The following PPP1R12B variants were observed in gnomAD, a reference collection of about 807,000 sequenced individuals.
The protein encoded by PPP1R12B is protein phosphatase 1 regulatory subunit 12B.
A neutral mutation model predicts 126.1 loss-of-function variants in PPP1R12B; 76 were observed. The ratio of observed to expected loss-of-function variants is 0.60; its 90% confidence interval spans 0.50 to 0.73. The LOEUF is 0.73. Among genes scored for constraint, PPP1R12B ranks in the 30% least tolerant of loss-of-function variants. PPP1R12B has a pLI of 0.00. For missense variants in PPP1R12B, 1,052 were observed against 1,205.1 expected, an observed-to-expected ratio of 0.87 and a Z score of 1.88; for synonymous variants, 356 against 434.7, an observed-to-expected ratio of 0.82 and a Z score of 2.25.
intron 1 of PPP1R12B, among the ~76,000 whole-genome samples, chr1:202,364,738 G>A (rs868749300): frequency 1.3e-5 from 2 of 151,982 alleles, no homozygotes; most frequent in Non-Finnish European, 2.9e-5. Context: ...CACCATGCTC[G>A]GCTAAGTTTT....
intron 18 of PPP1R12B, chr1:202,527,553 A>G (rs1683476298): frequency 1.3e-5 from 2 of 152,256 alleles, no homozygotes; most frequent in Non-Finnish European, 1.5e-5. Context: ...CAACTTTATG[A>G]CAATAAGCTT....
intron 13 of PPP1R12B, among the ~76,000 whole-genome samples, chr1:202,487,823 G>T (rs542938652): frequency 6.6e-6 from 1 of 152,050 alleles, no homozygotes; most frequent in African/African-American, 2.4e-5. Flanking sequence ...GGTCAGGTTG[G>T]TCTCCTACTC....
intron 1 of PPP1R12B, among the ~76,000 whole-genome samples, chr1:202,367,098 A>G (rs968557690): frequency 1.3e-5 from 2 of 152,236 alleles, no homozygotes; most frequent in African/African-American, 4.8e-5. Flanking sequence ...TTTTAATACA[A>G]TACAAAATTT....
At chr1:202,356,639 G>A (rs1657155173) in intron 1 of PPP1R12B, among the ~76,000 whole-genome samples, 1 of 152,096 alleles carries the variant, frequency 6.6e-6, no homozygotes, top group Non-Finnish European at 1.5e-5. Flanking sequence ...ATCAGAATAG[G>A]AGATGTGATG....
chr1:202,520,421 G>A lies in PPP1R12B; in HGVS notation c.2490+23599G>A, dbSNP rs1416341770. 2.6e-5 allele frequency among the ~76,000 whole-genome samples: 4 copies of A among 152,204 alleles called. No individual in the cohort carries two copies. The East Asian group carries it at 7.7e-4, about 29-fold the overall frequency. ...GTGGCTCTTTCTGGTGCTGTGGAAA[G>A]TACCCTCTTCTTTGCTCAGTCTGAT... is the stretch of plus-strand genomic sequence containing the variant. On this transcript the variant is annotated intron_variant, in intron 18 of 23. Coordinates refer to ENST00000608999, the MANE Select transcript of PPP1R12B (RefSeq NM_002481.4).
At chr1:202,469,532 G>T (rs925493244) in intron 13 of PPP1R12B, among the ~76,000 whole-genome samples, 2 of 152,134 alleles carry the variant, frequency 1.3e-5, no homozygotes, top group African/African-American at 4.8e-5. Context: ...CAAGTAGCAT[G>T]AGTGAGTTTT....
In PPP1R12B at chr1:202,431,481, A is replaced by G; in HGVS notation, c.1003A>G (p.Lys335Glu). ...CTCAAGTTGTCATCTTTAATTTAGC[A>G]AAGAGAAGATGCTCTATGAGGAGGA... ...SKIQSGFFKN[K>E]EKMLYEEETP... The change falls in exon 8 of 24, where the codon AAA (lysine) becomes GAA (glutamate). Residue 335 changes from lysine to glutamate, a missense_variant and splice_region_variant. Transcript: ENST00000608999. 6.3e-7 allele frequency: 1 copy of G among 1,588,298 alleles called. No homozygotes were observed. Among genetic ancestry groups the G allele is most frequent in the Non-Finnish European group, 8.5e-7 (1 of 1,172,508 alleles).
chr1:202,505,570 C>G (rs777982774), intron 18 of PPP1R12B, among the ~76,000 whole-genome samples: 1 of 152,142 alleles, frequency 6.6e-6, no homozygotes, highest in Non-Finnish European at 1.5e-5. Context: ...AGGTAAAATC[C>G]TAAGTCTGTT....
chr1:202,569,217 CT>C lies in PPP1R12B; in HGVS notation c.2862+25del, dbSNP rs1343747523. On this transcript the variant is annotated intron_variant, in intron 23 of 23. Coordinates refer to ENST00000608999, the MANE Select transcript of PPP1R12B (RefSeq NM_002481.4). ...ATGAAGGTATGAAGAGATTTTCTTTCTTTTTGTATGCCTGTTCTCTGAATGC... is the reference window on the plus strand; with the variant it reads ...ATGAAGGTATGAAGAGATTTTCTTTCTTTTGTATGCCTGTTCTCTGAATGC... The C allele has an allele frequency of 2.5e-6, 4 of 1,607,982 alleles. No homozygotes were observed. In the African/African-American group the frequency reaches 5.4e-5, roughly 22 times the overall value.
intron 18 of PPP1R12B, among the ~76,000 whole-genome samples, chr1:202,505,137 A>G (rs1680671136): frequency 6.6e-6 from 1 of 152,220 alleles, no homozygotes; most frequent in Admixed American, 6.5e-5. Context: ...ATAAGGTTTA[A>G]AGGAGATTGC....
intron 18 of PPP1R12B, among the ~76,000 whole-genome samples, chr1:202,542,800 T>C (rs1338934768): frequency 1.3e-5 from 2 of 152,166 alleles, no homozygotes; most frequent in African/African-American, 2.4e-5. Context: ...ACAGTAAAGA[T>C]ACTGGGAAGT....
intron 18 of PPP1R12B, among the ~76,000 whole-genome samples, chr1:202,510,665 T>C (rs1681360020): frequency 6.6e-6 from 1 of 152,094 alleles, no homozygotes; most frequent in Admixed American, 6.6e-5. Flanking sequence ...GGATGTCTTT[T>C]GCTCTCATGC....
chr1:202,374,683 T>A (rs1660871886), intron 1 of PPP1R12B, among the ~76,000 whole-genome samples: 1 of 151,274 alleles, frequency 6.6e-6, no homozygotes, highest in Non-Finnish European at 1.5e-5. Context: ...GTAGTTTTAG[T>A]AGAGACAGGG....
intron 1 of PPP1R12B, among the ~76,000 whole-genome samples, chr1:202,354,651 A>G: frequency 6.7e-6 from 1 of 148,754 alleles, no homozygotes; most frequent in Admixed American, 6.7e-5. Context: ...CATGTGTCCC[A>G]TTCTTTTTTT....
intron 1 of PPP1R12B, among the ~76,000 whole-genome samples, chr1:202,415,378 GTAATATCT>G (rs906239975): frequency 2.0e-5 from 3 of 152,156 alleles, no homozygotes; most frequent in African/African-American, 7.2e-5. Context: ...GAAAATGCAA[GTAATATCT>G]TAATATTATT....
At chr1:202,408,052 T>C (rs1666856762) in intron 1 of PPP1R12B, among the ~76,000 whole-genome samples, 2 of 152,190 alleles carry the variant, frequency 1.3e-5, no homozygotes, top group Admixed American at 6.5e-5. Context: ...TATATGCAAA[T>C]ATTATACCAT....
intron 1 of PPP1R12B, among the ~76,000 whole-genome samples, chr1:202,405,758 T>C (rs1666511080): frequency 6.6e-6 from 1 of 152,204 alleles, no homozygotes; most frequent in East Asian, 1.9e-4. Flanking sequence ...TGCTCTTAAC[T>C]GTATGCTGTA....
chr1:202,535,108 A>G (rs1166956474), intron 18 of PPP1R12B, among the ~76,000 whole-genome samples: 1 of 151,876 alleles, frequency 6.6e-6, no homozygotes, highest in Non-Finnish European at 1.5e-5. Context: ...ACAACTCTGT[A>G]AATAAGCATC....
intron 5 of PPP1R12B, among the ~76,000 whole-genome samples, chr1:202,427,971 A>ATT (rs34421611): frequency 1.2e-4 from 18 of 144,264 alleles, no homozygotes; most frequent in African/African-American, 4.4e-4. Context: ...AATTAAACTA[A>ATT]TTTTTTTTTT....
Sources: gnomAD v4.1 joint callset for allele counts (sites outside exome capture counted in the v4.1 genomes callset) on GRCh38, gnomAD v4.1.1 for gene constraint, MANE v1.5 for transcripts, NCBI Gene and HGNC (gene_info 2026-07-23, HGNC 2026-07-21) for gene names.